LTO1: variants seen among roughly 807,000 people sequenced by gnomAD.
LTO1 encodes LTO1 maturation factor of ABCE1.
A neutral mutation model predicts 19.8 loss-of-function variants in LTO1; 18 were observed. The observed-to-expected ratio is 0.91, with a 90% CI of 0.63 to 1.35. The LOEUF (loss-of-function observed/expected upper bound fraction) is 1.35, where lower values mean the gene tolerates loss of function less well. Ranked by LOEUF, LTO1 falls within the 40% of genes most tolerant of loss-of-function variation. The pLI, the probability that LTO1 is intolerant of heterozygous loss-of-function variation, is 0.00. For missense variants in LTO1, 175 were observed against 167.9 expected (o/e 1.04, Z -0.23); for synonymous variants, 59 against 59.6 (o/e 0.99, Z 0.05).
At chr11:69,673,707 T>C (rs1201566526) in intron 1 of LTO1, among the ~76,000 whole-genome samples, 2 of 150,500 alleles carry the variant, frequency 1.3e-5, no homozygotes, top group African/African-American at 4.9e-5. Context: ...TTTTTTTTTT[T>C]TTGAGACAGG....
intron 3 of LTO1, among the ~76,000 whole-genome samples, chr11:69,669,386 T>C (rs929510378): frequency 3.3e-5 from 5 of 152,202 alleles, no homozygotes; most frequent in African/African-American, 1.2e-4. Flanking sequence ...CTGGTGCTCC[T>C]GGATACAGAG....
rs1263751262 is a variant in LTO1 at position 69,674,967 on chromosome 11, T to A, written c.50+223A>T. On this transcript the variant is annotated intron_variant, in intron 1 of 4. Coordinates refer to ENST00000279147, the MANE Select transcript of LTO1 (RefSeq NM_153451.3). ...GGGCAGCCCTGACAGGGAAGGCGGG[T>A]CTGGAAGAGCAGCTGGGCACGTGCC... 4.3e-6 allele frequency: 3 copies of A among 693,306 alleles called. No individual in the cohort carries two copies. The African/African-American group carries it at 5.3e-5, about 12-fold the overall frequency. The allele number at this position is 693,306 out of a possible 1,614,324, so 42.9% of individuals were successfully genotyped here.
chr11:69,672,410 G>A (rs1288462400), intron 2 of LTO1: 1 of 157,118 alleles, frequency 6.4e-6, no homozygotes, highest in East Asian at 1.8e-4. Flanking sequence ...TGAATTTTGT[G>A]GTGATCTGTT....
intron 2 of LTO1, 86 bp from the exon 3 acceptor site, chr11:69,671,905 G>A: frequency 1.2e-6 from 1 of 807,744 alleles, no homozygotes; most frequent in Non-Finnish European, 2.2e-6. Flanking sequence ...AAAAGGTGGG[G>A]GCAGAAGGCA....
chr11:69,674,855 A>G (rs1479468190), intron 1 of LTO1: 2 of 586,442 alleles, frequency 3.4e-6, no homozygotes, highest in Non-Finnish European at 6.4e-6. Flanking sequence ...CCAGAAAAAA[A>G]GGCAGCTCCC....
intron 3 of LTO1, chr11:69,668,261 G>A: frequency 2.5e-6 from 1 of 407,876 alleles, no homozygotes. Flanking sequence ...TCCGACCACG[G>A]GGCCAAGGGG....
At position 69,669,152 on chromosome 11, in the gene LTO1, A is replaced by G. The variant is rs1856073713; in HGVS notation, c.228-1140T>C. ...CCTAGAGATCAGGGCTCTCACCTGC[A>G]GGGGTTTAAAAATAATCCACACATG... On this transcript the variant is annotated intron_variant, in intron 3 of 4. Coordinates refer to ENST00000279147, the MANE Select transcript of LTO1 (RefSeq NM_153451.3). Among the ~76,000 whole-genome samples the G allele has an allele frequency of 2.0e-5, 3 of 152,234 alleles. No homozygotes were observed. In the South Asian group the frequency reaches 6.2e-4, roughly 32 times the overall value.
At position 69,675,315 on chromosome 11, in the gene LTO1, C is replaced by T. The variant is rs567549197; in HGVS notation, c.-76G>A. On this transcript the variant is annotated 5_prime_UTR_variant, in exon 1 of 5. Coordinates refer to ENST00000279147, the MANE Select transcript of LTO1 (RefSeq NM_153451.3). ...CCGTAGCAGACCCGGCAGCTTCAGG[C>T]ACAAATGCTCCGCTTGGGAGGAGAC... The T allele has an allele frequency of 3.3e-5, 40 of 1,205,492 alleles. No homozygotes were observed. The highest frequency in any genetic ancestry group is 2.5e-4 in the African/African-American group (16 of 62,974). The allele number at this position is 1,205,492 out of a possible 1,614,324, so 74.7% of individuals were successfully genotyped here. A position where few individuals can be genotyped will look rare whatever the true frequency, so the allele number is the denominator to read the frequency against.
chr11:69,670,671 CGTA>C (rs1565079341), intron 3 of LTO1, among the ~76,000 whole-genome samples: 2 of 152,184 alleles, frequency 1.3e-5, no homozygotes, highest in Non-Finnish European at 2.9e-5. Flanking sequence ...GCACAAGTCA[CGTA>C]GTCAGGGAGA....
chr11:69,673,402 C>A, intron 1 of LTO1, 81 bp from the exon 2 acceptor site: 1 of 941,584 alleles, frequency 1.1e-6, no homozygotes, highest in African/African-American at 1.6e-5. Flanking sequence ...CTTGTATTAC[C>A]CGGACCCAGT....
In LTO1 at chr11:69,668,352, G is replaced by T. The variant is rs191295248; in HGVS notation, c.228-340C>A. ...GAACTGGGCAAGAGGGACTGGGGCTGGGCACGAGCAGGCCTGCTCTGGGTC... is the reference window on the plus strand; with the variant it reads ...GAACTGGGCAAGAGGGACTGGGGCTTGGCACGAGCAGGCCTGCTCTGGGTC... On this transcript the variant is annotated intron_variant, in intron 3 of 4. Transcript: ENST00000279147. 2.9e-4 allele frequency: 61 copies of T among 213,114 alleles called. 1 individual carries two copies. The Admixed American group carries it at 2.9e-3, about 10-fold the overall frequency. The allele number at this position is 213,114 out of a possible 1,614,324, so 13.2% of individuals were successfully genotyped here.
At chr11:69,674,496 A>C (rs566371476) in intron 1 of LTO1, 2 of 334,954 alleles carry the variant, frequency 6.0e-6, no homozygotes, top group African/African-American at 2.2e-5. Context: ...GTGACCCTGG[A>C]AAGTGACTGT....
At chr11:69,668,793 C>T (rs1027758346) in intron 3 of LTO1, among the ~76,000 whole-genome samples, 1 of 151,436 alleles carries the variant, frequency 6.6e-6, no homozygotes, top group Non-Finnish European at 1.5e-5. Context: ...TTTGGGAGGC[C>T]GAGGAGGGTG....
chr11:69,673,030 G>A, intron 2 of LTO1, 186 bp downstream of exon 2: 2 of 652,836 alleles, frequency 3.1e-6, no homozygotes, highest in Non-Finnish European at 5.7e-6. Flanking sequence ...TCCAACTCCT[G>A]ACCTCAAGGC....
intron 3 of LTO1, among the ~76,000 whole-genome samples, chr11:69,668,895 G>T (rs976671939): frequency 6.6e-6 from 1 of 152,036 alleles, no homozygotes; most frequent in Non-Finnish European, 1.5e-5. Context: ...GGGCGTGATA[G>T]TGTGTGCCTG....
chr11:69,667,973 G>T lies in LTO1; in HGVS notation c.267C>A (p.Ile89=). 6.3e-7 allele frequency: 1 copy of T among 1,588,078 alleles called. No individual in the cohort carries two copies. The highest frequency in any genetic ancestry group is 8.6e-7 in the Non-Finnish European group (1 of 1,156,230). ...TAGGGTCATCATAAGGGAATTTCTG[G>T]ATCATTCCAATCAATGATTCTAAGA... ...MKVLESLIGM[I]QKFPYDDPTY... The change falls in exon 4 of 5, where the codon ATC becomes ATA. Residue 89 remains isoleucine (I), a synonymous_variant. Transcript: ENST00000279147.
chr11:69,674,668 A>C (rs1590925071), intron 1 of LTO1: 1 of 424,458 alleles, frequency 2.4e-6, no homozygotes, highest in African/African-American at 2.1e-5. Flanking sequence ...TTCTTAACTA[A>C]CATCTATGGA....
At chr11:69,675,109 C>T in intron 1 of LTO1, 81 bp downstream of exon 1, 1 of 1,319,838 alleles carries the variant, frequency 7.6e-7, no homozygotes, top group South Asian at 1.2e-5. Context: ...GCTCCAGCAG[C>T]CGCCCTGGGC....
At position 69,667,555 on chromosome 11, in the gene LTO1, A is replaced by G; in HGVS notation, c.378T>C (p.Phe126=). The G allele has an allele frequency of 6.2e-7, 1 of 1,611,966 alleles. No individual in the cohort carries two copies. The highest frequency in any genetic ancestry group is 1.1e-5 in the South Asian group (1 of 91,038). Residue 126 remains phenylalanine, a synonymous_variant, in exon 5 of 5, where the codon TTT becomes TTC. Coordinates refer to ENST00000279147, the MANE Select transcript of LTO1 (RefSeq NM_153451.3). ...GTCCGGAACCTTCTGCACTAATTTTAAAGTCTGGCTGAACATTGAGTAACG... is the reference window on the plus strand; with the variant it reads ...GTCCGGAACCTTCTGCACTAATTTTGAAGTCTGGCTGAACATTGAGTAACG... ...FCSLLNVQPD[F]KISAEGSGLS...
Sources: gnomAD v4.1 joint callset for allele counts (sites outside exome capture counted in the v4.1 genomes callset) on GRCh38, gnomAD v4.1.1 for gene constraint, MANE v1.5 for transcripts, NCBI Gene and HGNC (gene_info 2026-07-23, HGNC 2026-07-21) for gene names.